Variants in CPA6 observed in about 807,000 individuals in gnomAD.
The protein encoded by CPA6 is carboxypeptidase B.
Under a neutral mutation model 63.3 loss-of-function variants are expected in CPA6, and 58 were observed. The ratio of observed to expected loss-of-function variants is 0.92; its 90% confidence interval spans 0.74 to 1.14. The LOEUF (loss-of-function observed/expected upper bound fraction) is 1.14, where lower values mean the gene tolerates loss of function less well. Ranked by LOEUF, CPA6 falls within the 50% of genes most tolerant of loss-of-function variation. The pLI is 0.00. For synonymous variants in CPA6, 185 were observed against 179.0 expected, an observed-to-expected ratio of 1.03 and a Z score of -0.27; for missense variants, 565 against 526.6, an observed-to-expected ratio of 1.07 and a Z score of -0.71.
intron 1 of CPA6, among the ~76,000 whole-genome samples, chr8:67,646,104 C>T (rs187753315): frequency 7.2e-5 from 11 of 152,332 alleles, no homozygotes; most frequent in Admixed American, 5.2e-4. Flanking sequence ...ATAGTCTGAT[C>T]TCTCTGCTAT....
intron 2 of CPA6, among the ~76,000 whole-genome samples, chr8:67,582,535 G>A (rs762642927): frequency 2.0e-5 from 3 of 152,216 alleles, no homozygotes; most frequent in Non-Finnish European, 4.4e-5. Flanking sequence ...GGTGTCTGAT[G>A]TGTAATGCAT....
chr8:67,428,911 C>A (rs1419364170), intron 9 of CPA6, among the ~76,000 whole-genome samples: 1 of 152,202 alleles, frequency 6.6e-6, no homozygotes, highest in Middle Eastern at 3.2e-3. Context: ...ATATTTCTTA[C>A]ATGAATGTTG....
chr8:67,503,398 C>T (rs1220752210), intron 6 of CPA6, among the ~76,000 whole-genome samples: 1 of 151,692 alleles, frequency 6.6e-6, no homozygotes, highest in Non-Finnish European at 1.5e-5. Flanking sequence ...CTGAGTTCAA[C>T]AGGTCCTCCC....
intron 5 of CPA6, 104 bp from the exon 6 acceptor site, chr8:67,506,992 T>C: frequency 1.3e-6 from 1 of 788,650 alleles, no homozygotes; most frequent in Non-Finnish European, 2.2e-6. Flanking sequence ...GTGTGGTTCA[T>C]TAGGTAATGC....
chr8:67,426,630 T>C (rs1455825717), intron 10 of CPA6, among the ~76,000 whole-genome samples: 1 of 152,158 alleles, frequency 6.6e-6, no homozygotes, highest in Non-Finnish European at 1.5e-5. Context: ...CTGAAGAAAG[T>C]GAGTGGTAAA....
intron 1 of CPA6, among the ~76,000 whole-genome samples, chr8:67,714,686 T>G (rs927459760): frequency 6.6e-6 from 1 of 152,060 alleles, no homozygotes; most frequent in Non-Finnish European, 1.5e-5. Flanking sequence ...AATAGATAAA[T>G]AAAGCTCAGG....
At chr8:67,671,820 A>T (rs1283425951) in intron 1 of CPA6, among the ~76,000 whole-genome samples, 2 of 152,076 alleles carry the variant, frequency 1.3e-5, no homozygotes, top group Non-Finnish European at 1.5e-5. Context: ...TTATTTTTTA[A>T]ATTAAATTTT....
At chr8:67,573,930 GA>G (rs1182391683) in intron 2 of CPA6, among the ~76,000 whole-genome samples, 2 of 112,054 alleles carry the variant, frequency 1.8e-5, no homozygotes, top group African/African-American at 6.8e-5. Flanking sequence ...ATCAAGGAAA[GA>G]AACTGAAGAA....
intron 1 of CPA6, among the ~76,000 whole-genome samples, chr8:67,713,139 A>ATATATATATATT (rs1375486449): frequency 7.5e-6 from 1 of 133,220 alleles, no homozygotes. Context: ...ATATATATAT[A>ATATATATATATT]TTAACAGGGT....
intron 3 of CPA6, among the ~76,000 whole-genome samples, chr8:67,515,841 G>A (rs781521698): frequency 1.3e-5 from 2 of 151,894 alleles, no homozygotes; most frequent in East Asian, 1.9e-4. Flanking sequence ...TTCTACCCCC[G>A]GACTCTGAGC....
chr8:67,559,859 A>ATATATATATATC (rs1813160615), intron 2 of CPA6, among the ~76,000 whole-genome samples: 1 of 119,364 alleles, frequency 8.4e-6, no homozygotes, highest in Non-Finnish European at 2.0e-5. Flanking sequence ...CAAAATATAT[A>ATATATATATATC]TATATATGTA....
At chr8:67,663,507 T>C (rs1267089690) in intron 1 of CPA6, among the ~76,000 whole-genome samples, 1 of 152,178 alleles carries the variant, frequency 6.6e-6, no homozygotes, top group Non-Finnish European at 1.5e-5. Context: ...CTATTTTTCC[T>C]AATGCTCTCA....
chr8:67,602,125 T>C (rs898336501), intron 2 of CPA6, among the ~76,000 whole-genome samples: 1 of 152,126 alleles, frequency 6.6e-6, no homozygotes, highest in South Asian at 2.1e-4. Context: ...TTTGTTATAA[T>C]TTATGAAAAA....
chr8:67,482,555 G>T (rs531551350), intron 8 of CPA6, among the ~76,000 whole-genome samples: 1 of 152,122 alleles, frequency 6.6e-6, no homozygotes, highest in African/African-American at 2.4e-5. Flanking sequence ...CAACATTCCC[G>T]TGAAGAAAAG....
chr8:67,710,112 C>CA (rs35872602), intron 1 of CPA6, among the ~76,000 whole-genome samples: 41,695 of 138,870 alleles, frequency 0.3, 6,013 homozygotes, highest in African/African-American at 0.36. Flanking sequence ...GACTTGGTTT[C>CA]AAAAAAAAAA....
At chr8:67,542,431 C>T (rs1420431607) in intron 2 of CPA6, among the ~76,000 whole-genome samples, 1 of 152,160 alleles carries the variant, frequency 6.6e-6, no homozygotes, top group Admixed American at 6.5e-5. Context: ...GATGAAAATT[C>T]ACTTATTTGG....
At chr8:67,729,203 T>C (rs1421106439) in intron 1 of CPA6, among the ~76,000 whole-genome samples, 3 of 152,206 alleles carry the variant, frequency 2.0e-5, no homozygotes, top group African/African-American at 4.8e-5. Context: ...GATCCCCTAG[T>C]GTTTTATTTG....
At chr8:67,546,403 T>C (rs1435595653) in intron 2 of CPA6, among the ~76,000 whole-genome samples, 6 of 152,246 alleles carry the variant, frequency 3.9e-5, no homozygotes, top group African/African-American at 1.4e-4. Flanking sequence ...AAAACTCTAC[T>C]GTCCCTCAAG....
At chr8:67,734,148 G>T (rs1408171523) in intron 1 of CPA6, among the ~76,000 whole-genome samples, 1 of 151,744 alleles carries the variant, frequency 6.6e-6, no homozygotes, top group Admixed American at 6.6e-5. Context: ...AAAGTACTGG[G>T]ATTACAAGTG....
Sources: gnomAD v4.1 joint callset for allele counts (sites outside exome capture counted in the v4.1 genomes callset) on GRCh38, gnomAD v4.1.1 for gene constraint, MANE v1.5 for transcripts, NCBI Gene and HGNC (gene_info 2026-07-23, HGNC 2026-07-21) for gene names.